The following FARP1 variants were observed in gnomAD, a reference collection of about 807,000 sequenced individuals.
FARP1 encodes the protein FERM, ARH/RhoGEF and pleckstrin domain protein 1.
Under a neutral mutation model 128.8 loss-of-function variants are expected in FARP1, and 52 were observed. The ratio of observed to expected loss-of-function variants is 0.40; its 90% confidence interval spans 0.32 to 0.51. FARP1 has a LOEUF of 0.51. Among genes scored for constraint, FARP1 ranks in the 20% least tolerant of loss-of-function variants. The probability of loss-of-function intolerance (pLI) is 0.45; values close to 1 mark genes in which losing one functional copy is unlikely to be tolerated. For missense variants in FARP1, 1,333 were observed against 1,367.9 expected, an observed-to-expected ratio of 0.97 and a Z score of 0.40; for synonymous variants, 580 against 551.8, an observed-to-expected ratio of 1.05 and a Z score of -0.72.
At chr13:98,319,113 C>G (rs1417389342) in intron 2 of FARP1, among the ~76,000 whole-genome samples, 2 of 151,712 alleles carry the variant, frequency 1.3e-5, no homozygotes, top group African/African-American at 4.8e-5. Context: ...CAAGTGTGCA[C>G]CACCAGCCCC....
intron 3 of FARP1, among the ~76,000 whole-genome samples, chr13:98,360,082 T>C (rs1386574379): frequency 6.8e-6 from 1 of 146,558 alleles, no homozygotes; most frequent in Non-Finnish European, 1.5e-5. Context: ...TATTCAGAGA[T>C]TGTGTTGCTT....
chr13:98,257,272 G>A (rs559137723), intron 2 of FARP1, among the ~76,000 whole-genome samples: 1 of 152,196 alleles, frequency 6.6e-6, no homozygotes, highest in South Asian at 2.1e-4. Context: ...ATGGAAATGT[G>A]TTCTGGAAGC....
intron 2 of FARP1, among the ~76,000 whole-genome samples, chr13:98,301,965 AT>A (rs34808723): frequency 0.77 from 115,958 of 151,258 alleles, 44,834 homozygotes; most frequent in East Asian, 0.93. Context: ...ATTCATGATC[AT>A]TTTTTTTTTC....
chr13:98,444,984 G>C (rs1294512719), intron 24 of FARP1, among the ~76,000 whole-genome samples: 1 of 152,178 alleles, frequency 6.6e-6, no homozygotes, highest in Non-Finnish European at 1.5e-5. Context: ...GGAGCTGCCT[G>C]CCTGGCCTGG....
chr13:98,397,899 TGAAAA>T (rs1350474155), intron 13 of FARP1: 4 of 28,626 alleles, frequency 1.4e-4, no homozygotes, highest in Admixed American at 6.4e-4. Flanking sequence ...CTTTTTTTTT[TGAAAA>T]AAAAAAAAAA....
chr13:98,225,134 A>C (rs1206446112), intron 2 of FARP1, among the ~76,000 whole-genome samples: 2 of 152,228 alleles, frequency 1.3e-5, no homozygotes, highest in African/African-American at 2.4e-5. Flanking sequence ...AAAAAACCTC[A>C]GATGTTACTA....
At chr13:98,313,229 G>A (rs1340949802) in intron 2 of FARP1, among the ~76,000 whole-genome samples, 3 of 127,158 alleles carry the variant, frequency 2.4e-5, no homozygotes, top group Non-Finnish European at 3.3e-5. Flanking sequence ...CTCTGGAATC[G>A]GGTGGGTCAT....
intron 17 of FARP1, among the ~76,000 whole-genome samples, chr13:98,426,879 C>T (rs1421553538): frequency 1.3e-5 from 2 of 152,172 alleles, no homozygotes; most frequent in African/African-American, 4.8e-5. Context: ...ATGGGAGTTT[C>T]TGAAGTTAAC....
At chr13:98,183,534 A>G (rs1463328394) in intron 1 of FARP1, among the ~76,000 whole-genome samples, 1 of 152,210 alleles carries the variant, frequency 6.6e-6, no homozygotes, top group Non-Finnish European at 1.5e-5. Flanking sequence ...CGCTTGGACG[A>G]ATGCTCCCGT....
At chr13:98,255,820 T>C (rs1883560392) in intron 2 of FARP1, among the ~76,000 whole-genome samples, 1 of 152,212 alleles carries the variant, frequency 6.6e-6, no homozygotes, top group African/African-American at 2.4e-5. Context: ...TTGTACTGTA[T>C]GTCAGGCAGA....
chr13:98,342,918 A>G (rs1222641688), intron 2 of FARP1, among the ~76,000 whole-genome samples: 2 of 150,680 alleles, frequency 1.3e-5, no homozygotes, highest in African/African-American at 4.9e-5. Flanking sequence ...CAGCTACTCC[A>G]GTGGCTGAGG....
rs191864318 is a variant in FARP1 at position 98,407,928 on chromosome 13, C to A, written c.1415-1410C>A. ...GTAATTCCAAAATGCACATGCATGACTCCAGAGGGTGAGAACAGATGACAG... is the reference window on the plus strand; with the variant it reads ...GTAATTCCAAAATGCACATGCATGAATCCAGAGGGTGAGAACAGATGACAG... On this transcript the variant is annotated intron_variant, in intron 13 of 26. Coordinates refer to ENST00000319562, the MANE Select transcript of FARP1 (RefSeq NM_005766.4). 3.2e-4 allele frequency among the ~76,000 whole-genome samples: 48 copies of A among 152,298 alleles called. No individual in the cohort carries two copies. The Middle Eastern group carries it at 0.034, about 108-fold the overall frequency.
intron 1 of FARP1, among the ~76,000 whole-genome samples, chr13:98,192,410 G>A (rs1594252226): frequency 6.6e-6 from 1 of 151,512 alleles, no homozygotes; most frequent in East Asian, 1.9e-4. Flanking sequence ...TTTTTTCTGA[G>A]ATGGAGTCTT....
chr13:98,336,591 C>A (rs1887755388), intron 2 of FARP1, among the ~76,000 whole-genome samples: 1 of 152,152 alleles, frequency 6.6e-6, no homozygotes, highest in Admixed American at 6.6e-5. Flanking sequence ...TTTAAAGTCA[C>A]AATAAACTGG....
intron 1 of FARP1, among the ~76,000 whole-genome samples, chr13:98,169,203 G>C (rs1877484542): frequency 6.6e-6 from 1 of 152,074 alleles, no homozygotes; most frequent in South Asian, 2.1e-4. Context: ...TTCACCTTCT[G>C]TAGCACCCCC....
intron 11 of FARP1, among the ~76,000 whole-genome samples, chr13:98,392,323 C>CCAAAAAAAAAA (rs551215820): frequency 3.3e-5 from 2 of 60,410 alleles, no homozygotes; most frequent in African/African-American, 1.3e-4. Flanking sequence ...CATCTCTACC[C>CCAAAAAAAAAA]AAAAAAAAAA....
At chr13:98,219,855 AC>A (rs1210508720) in intron 2 of FARP1, among the ~76,000 whole-genome samples, 2 of 151,318 alleles carry the variant, frequency 1.3e-5, no homozygotes, top group Non-Finnish European at 2.9e-5. Flanking sequence ...TTTTGTAGAG[AC>A]AGGGGTCTCG....
chr13:98,416,142 A>G (rs1380129711), intron 16 of FARP1, among the ~76,000 whole-genome samples: 1 of 152,268 alleles, frequency 6.6e-6, no homozygotes, highest in Non-Finnish European at 1.5e-5. Context: ...TCCCGTTAAC[A>G]TCTTATGTCA....
At chr13:98,237,353 G>A (rs1171058116) in intron 2 of FARP1, among the ~76,000 whole-genome samples, 2 of 151,998 alleles carry the variant, frequency 1.3e-5, no homozygotes, top group African/African-American at 4.8e-5. Flanking sequence ...AAACGCTGAC[G>A]GACTGTATGT....
Sources: gnomAD v4.1 joint callset for allele counts (sites outside exome capture counted in the v4.1 genomes callset) on GRCh38, gnomAD v4.1.1 for gene constraint, MANE v1.5 for transcripts, NCBI Gene and HGNC (gene_info 2026-07-23, HGNC 2026-07-21) for gene names.